Variants in FGF12 observed in about 807,000 individuals in gnomAD.
FGF12 encodes the protein fibroblast growth factor 12B.
FGF12 carries 14 observed loss-of-function variants against 23.6 expected under a neutral mutation model. The observed-to-expected ratio is 0.59, with a 90% CI of 0.39 to 0.93. The LOEUF is 0.93. Ranked by LOEUF, FGF12 falls within the 40% of genes least tolerant of loss-of-function variation. The pLI is 0.00. For missense variants in FGF12, 175 were observed against 217.8 expected (o/e 0.80, Z 1.24); for synonymous variants, 62 against 77.3 (o/e 0.80, Z 1.04).
intron 5 of FGF12, among the ~76,000 whole-genome samples, chr3:192,152,475 A>T (rs1243802369): frequency 0.011 from 1,562 of 148,492 alleles, 33 homozygotes; most frequent in African/African-American, 0.037. Flanking sequence ...CCCTCTACAC[A>T]CTGCTTTGAA....
intron 2 of FGF12, among the ~76,000 whole-genome samples, chr3:192,572,339 T>G (rs1220921524): frequency 6.6e-6 from 1 of 152,192 alleles, no homozygotes; most frequent in African/African-American, 2.4e-5. Flanking sequence ...GAAGAACTCT[T>G]GTAGCAAGGG....
At chr3:192,503,178 G>A (rs550166278) in intron 2 of FGF12, among the ~76,000 whole-genome samples, 4 of 152,112 alleles carry the variant, frequency 2.6e-5, no homozygotes, top group Non-Finnish European at 5.9e-5. Context: ...ATGAAAAATC[G>A]GCAGTCTACT....
chr3:192,195,757 T>C (rs535028587), intron 4 of FGF12, among the ~76,000 whole-genome samples: 2 of 152,296 alleles, frequency 1.3e-5, no homozygotes, highest in South Asian at 4.1e-4. Context: ...TGTATGTATG[T>C]ATGTATGTGT....
intron 4 of FGF12, among the ~76,000 whole-genome samples, chr3:192,313,080 C>T (rs1446210457): frequency 6.6e-6 from 1 of 152,076 alleles, no homozygotes; most frequent in African/African-American, 2.4e-5. Context: ...GAAATTCTGT[C>T]GAAATTAGTT....
chr3:192,428,806 T>A (rs1721767602), intron 2 of FGF12, among the ~76,000 whole-genome samples: 2 of 152,164 alleles, frequency 1.3e-5, no homozygotes, highest in Non-Finnish European at 2.9e-5. Context: ...GATATGAGGT[T>A]GTTCCTTTAA....
At chr3:192,557,282 T>A (rs1711826514) in intron 2 of FGF12, among the ~76,000 whole-genome samples, 1 of 148,422 alleles carries the variant, frequency 6.7e-6, no homozygotes, top group East Asian at 2.0e-4. Flanking sequence ...TTTGAAAAGA[T>A]AATCAACAAA....
chr3:192,287,365 T>C (rs996167421), intron 4 of FGF12, among the ~76,000 whole-genome samples: 5 of 152,090 alleles, frequency 3.3e-5, no homozygotes, highest in African/African-American at 1.2e-4. Flanking sequence ...GTACTTTCTT[T>C]GTATCTTAAT....
intron 4 of FGF12, among the ~76,000 whole-genome samples, chr3:192,301,103 G>T (rs1703270635): frequency 6.6e-6 from 1 of 151,984 alleles, no homozygotes. Flanking sequence ...TTTCCATAAG[G>T]AAAACACAAT....
At chr3:192,185,541 AT>A (rs950260971) in intron 4 of FGF12, among the ~76,000 whole-genome samples, 29 of 150,662 alleles carry the variant, frequency 1.9e-4, no homozygotes, top group Middle Eastern at 3.4e-3. Flanking sequence ...TTTTTCATGA[AT>A]TTTTTTTTTA....
chr3:192,619,173 T>G (rs1714877972), intron 2 of FGF12, among the ~76,000 whole-genome samples: 1 of 152,098 alleles, frequency 6.6e-6, no homozygotes, highest in African/African-American at 2.4e-5. Flanking sequence ...ATTGGCTGCC[T>G]GTAACCTCTA....
At chr3:192,224,629 C>T (rs1718639990) in intron 4 of FGF12, among the ~76,000 whole-genome samples, 1 of 151,818 alleles carries the variant, frequency 6.6e-6, no homozygotes, top group African/African-American at 2.4e-5. Context: ...GCCATTGAGT[C>T]ACTCTTAAAA....
intron 2 of FGF12, among the ~76,000 whole-genome samples, chr3:192,566,143 T>C (rs1712268583): frequency 6.6e-6 from 1 of 152,178 alleles, no homozygotes; most frequent in South Asian, 2.1e-4. Flanking sequence ...AGTATCATAT[T>C]TCATAGGTAA....
intron 4 of FGF12, among the ~76,000 whole-genome samples, chr3:192,311,943 A>ATCTG (rs961194607): frequency 4.0e-5 from 6 of 151,672 alleles, no homozygotes; most frequent in South Asian, 2.1e-4. Context: ...CTATCTATCT[A>ATCTG]TCTATCTATC....
At chr3:192,612,175 T>G (rs1714573060) in intron 2 of FGF12, among the ~76,000 whole-genome samples, 1 of 152,040 alleles carries the variant, frequency 6.6e-6, no homozygotes, top group Non-Finnish European at 1.5e-5. Context: ...ATGGCTCTAT[T>G]TTTAAAGGTT....
chr3:192,500,296 A>G (rs549735123), intron 2 of FGF12, among the ~76,000 whole-genome samples: 2 of 152,338 alleles, frequency 1.3e-5, no homozygotes, highest in African/African-American at 4.8e-5. Flanking sequence ...TTCCAGCTCA[A>G]CCAAGAACCA....
At chr3:192,176,584 G>C (rs1010398491) in intron 4 of FGF12, among the ~76,000 whole-genome samples, 2 of 152,170 alleles carry the variant, frequency 1.3e-5, no homozygotes, top group Non-Finnish European at 2.9e-5. Context: ...GTATGAACTT[G>C]GACATGCTAT....
intron 2 of FGF12, among the ~76,000 whole-genome samples, chr3:192,400,271 T>G (rs1417967828): frequency 1.3e-5 from 2 of 152,148 alleles, no homozygotes; most frequent in Non-Finnish European, 2.9e-5. Context: ...GAGTGTTTCT[T>G]GAGAGTTCAA....
rs150638166 is a variant in FGF12, at chr3:192,322,154, C to T, written c.228+13207G>A. On this transcript the variant is annotated intron_variant, in intron 4 of 5. Transcript: ENST00000445105. ...GGGTACAAAATCAACATACAAAAAT[C>T]GGTGGCATTCTATATGCCAACAGTG... Among the ~76,000 whole-genome samples the T allele has an allele frequency of 4.0e-4, 60 of 151,554 alleles. 1 individual carries two copies. Among genetic ancestry groups the T allele is most frequent in the Non-Finnish European group, 2.8e-4 (19 of 67,868 alleles).
chr3:192,327,780 G>A (rs1716897032), intron 4 of FGF12, among the ~76,000 whole-genome samples: 1 of 151,966 alleles, frequency 6.6e-6, no homozygotes, highest in Admixed American at 6.6e-5. Context: ...GCTTACTGCA[G>A]CCTCGATGTC....
Sources: gnomAD v4.1 joint callset for allele counts (sites outside exome capture counted in the v4.1 genomes callset) on GRCh38, gnomAD v4.1.1 for gene constraint, MANE v1.5 for transcripts, NCBI Gene and HGNC (gene_info 2026-07-23, HGNC 2026-07-21) for gene names.